The following OLIG1 variants were observed in gnomAD, a reference collection of about 807,000 sequenced individuals.
OLIG1 encodes oligodendrocyte transcription factor 1.
A neutral mutation model predicts 13.5 loss-of-function variants in OLIG1; 9 were observed. That is an observed-to-expected ratio of 0.67 (90% CI 0.40 to 1.17). The LOEUF is 1.17. Among genes scored for constraint, OLIG1 ranks in the 50% most tolerant of loss-of-function variants. The probability of loss-of-function intolerance (pLI) is 0.01; values close to 1 mark genes in which losing one functional copy is unlikely to be tolerated. For missense variants in OLIG1, 362 were observed against 392.2 expected, an observed-to-expected ratio of 0.92 and a Z score of 0.65; for synonymous variants, 215 against 208.3, an observed-to-expected ratio of 1.03 and a Z score of -0.28.
Position 33,070,973 on chromosome 21 carries a change from G to A in OLIG1, c.727G>A (p.Gly243Ser), listed in dbSNP as rs1409638340. The A allele has an allele frequency of 3.1e-6, 4 of 1,297,362 alleles. No individual in the cohort carries two copies. In the African/African-American group the frequency reaches 6.5e-5, roughly 21 times the overall value. 80.4% of individuals were successfully genotyped at this position (1,297,362 alleles called of 1,614,324 possible). ...ALPGGGAGGPGLCTCAVCKFP... is the reference protein window; with the variant it reads ...ALPGGGAGGPSLCTCAVCKFP... Reference sequence around the variant, plus strand: ...CCCCGGCGGCGGCGCAGGCGGCCCCGGCCTCTGCACCTGCGCCGTGTGCAA... The same window carrying A: ...CCCCGGCGGCGGCGCAGGCGGCCCCAGCCTCTGCACCTGCGCCGTGTGCAA... The change falls in exon 1 of 1, where the codon GGC becomes AGC. Residue 243 changes from glycine to serine, a missense_variant. Around this residue, in one of 3 missense-constraint regions of OLIG1, gnomAD observed 62 missense variants for 49.1 expected, o/e 1.26. Coordinates refer to ENST00000382348, the MANE Select transcript of OLIG1 (RefSeq NM_138983.3). The surrounding 1 kb of genome is among the most constrained non-coding windows in gnomAD (Gnocchi z 5.9).
At position 33,070,164 on chromosome 21, in the gene OLIG1, T is replaced by C. The variant is rs1982170438; in HGVS notation, c.-83T>C. 1.4e-6 allele frequency: 2 copies of C among 1,406,134 alleles called. No homozygotes were observed. The highest frequency in any genetic ancestry group is 3.2e-5 in the Admixed American group (1 of 30,794). 87.1% of individuals were successfully genotyped at this position (1,406,134 alleles called of 1,614,324 possible). A position where few individuals can be genotyped will look rare whatever the true frequency, so the allele number is the denominator to read the frequency against. On this transcript the variant is annotated 5_prime_UTR_variant, in exon 1 of 1. Transcript: ENST00000382348. This position sits in a 1 kb window ranked among gnomAD's most constrained non-coding sequence, Gnocchi z 5.9. ...CCACCATCGTTTCCCCGCGCGCAGG[T>C]CCGCGGGGAGGGGCGGCCTGCCGAC...
In OLIG1 at chr21:33,070,606, C is replaced by G; in HGVS notation, c.360C>G (p.Asp120Glu). The change falls in exon 1 of 1, where the codon GAC becomes GAG. Residue 120 changes from aspartate (D) to glutamate (E), a missense_variant. Around this residue, in one of 3 missense-constraint regions of OLIG1, gnomAD observed 206 missense variants for 197.2 expected, o/e 1.04. Coordinates refer to ENST00000382348, the MANE Select transcript of OLIG1 (RefSeq NM_138983.3). This position sits in a 1 kb window ranked among gnomAD's most constrained non-coding sequence, Gnocchi z 5.9. ...INSRERKRMQ[D>E]LNLAMDALRE... ...GCCGCGAGCGGAAGCGCATGCAGGA[C>G]CTGAACCTGGCCATGGACGCCCTGC... 6.4e-7 allele frequency: 1 copy of G among 1,573,742 alleles called. No homozygotes were observed. Among genetic ancestry groups the G allele is most frequent in the Non-Finnish European group, 8.6e-7 (1 of 1,166,540 alleles).
In OLIG1 at chr21:33,070,946, C is replaced by G. The variant is rs199512218; in HGVS notation, c.700C>G (p.Leu234Val). 6,001 of 1,459,484 alleles carry G rather than the reference C, an allele frequency of 4.1e-3. 24 individuals are homozygous for G. Among genetic ancestry groups the G allele is most frequent in the Non-Finnish European group, 5.0e-3 (5,575 of 1,112,670 alleles). 90.4% of individuals were successfully genotyped at this position (1,459,484 alleles called of 1,614,324 possible). A position where few individuals can be genotyped will look rare whatever the true frequency, so the allele number is the denominator to read the frequency against. ...CGAGCCGCCGTGCGGCCAGTTCGCT[C>G]TCCCCGGCGGCGGCGCAGGCGGCCC... The part of the protein sequence containing the change: ...LDEPPCGQFA[L>V]PGGGAGGPGL... Residue 234 changes from leucine to valine, a missense_variant, in exon 1 of 1, where the codon CTC becomes GTC. By Grantham distance (32) the Leu-to-Val change is conservative (BLOSUM62 1). Transcript: ENST00000382348. The surrounding 1 kb of genome is among the most constrained non-coding windows in gnomAD (Gnocchi z 5.9).
Position 33,070,861 on chromosome 21 carries a change from C to T in OLIG1, c.615C>T (p.Pro205=), listed in dbSNP as rs552476611. 1.7e-4 allele frequency: 211 copies of T among 1,242,534 alleles called. 2 individuals are homozygous for T. The South Asian group carries it at 5.1e-3, about 30-fold the overall frequency. The allele number at this position is 1,242,534 out of a possible 1,614,324, so 77.0% of individuals were successfully genotyped here. A position where few individuals can be genotyped will look rare whatever the true frequency, so the allele number is the denominator to read the frequency against. ...CGCCCGGCTCCGTGCTGCTGGCGCCCGGCGCCGTAGGACCCCCCGACGCGC... is the reference window on the plus strand; with the variant it reads ...CGCCCGGCTCCGTGCTGCTGGCGCCTGGCGCCGTAGGACCCCCCGACGCGC... ...AAAPGSVLLA[P]GAVGPPDALR... The change falls in exon 1 of 1, where the codon CCC becomes CCT. Residue 205 remains proline (P), a synonymous_variant. Coordinates refer to ENST00000382348, the MANE Select transcript of OLIG1 (RefSeq NM_138983.3). The surrounding 1 kb of genome is among the most constrained non-coding windows in gnomAD (Gnocchi z 5.9).
rs763989022 is a variant in OLIG1 at position 33,070,530 on chromosome 21, G to T, written c.284G>T (p.Arg95Leu). The T allele has an allele frequency of 4.8e-5, 72 of 1,500,716 alleles. No homozygotes were observed. Among genetic ancestry groups the T allele is most frequent in the Non-Finnish European group, 5.8e-5 (66 of 1,130,818 alleles). The allele number at this position is 1,500,716 out of a possible 1,614,324, so 93.0% of individuals were successfully genotyped here. A position where few individuals can be genotyped will look rare whatever the true frequency, so the allele number is the denominator to read the frequency against. ...GSGAHPGGSA[R>L]PDAKEEQQQQ... ...GGCGCGCACCCGGGCGGCAGCGCCC[G>T]GCCGGACGCCAAGGAGGAGCAGCAG... The change falls in exon 1 of 1, where the codon CGG becomes CTG. Residue 95 changes from arginine (R) to leucine (L), a missense_variant. Arg to Leu is a moderately radical substitution (Grantham distance 102). Transcript: ENST00000382348. This position sits in a 1 kb window ranked among gnomAD's most constrained non-coding sequence, Gnocchi z 5.9.
rs1472616641 is a variant in OLIG1 at position 33,070,414 on chromosome 21, C to T, written c.168C>T (p.Ser56=). The change falls in exon 1 of 1, where the codon TCC becomes TCT. Residue 56 remains serine (S), a synonymous_variant. Transcript: ENST00000382348. The surrounding 1 kb of genome is among the most constrained non-coding windows in gnomAD (Gnocchi z 5.9). ...SSSTSSTSST[S]SSSTTAPLLP... is the part of the protein sequence containing the mutation. ...CCACCTCCTCCACCTCCTCCACTTCCTCCTCCTCCACGACGGCCCCCCTCC... is the reference window on the plus strand; with the variant it reads ...CCACCTCCTCCACCTCCTCCACTTCTTCCTCCTCCACGACGGCCCCCCTCC... 2.6e-6 allele frequency: 4 copies of T among 1,538,208 alleles called. No individual in the cohort carries two copies. Among genetic ancestry groups the T allele is most frequent in the East Asian group, 2.5e-5 (1 of 40,392 alleles).
Position 33,071,034 on chromosome 21 carries a change from C to A in OLIG1, c.788C>A (p.Ala263Asp). 6.8e-7 allele frequency: 1 copy of A among 1,474,510 alleles called. No individual in the cohort carries two copies. Among genetic ancestry groups the A allele is most frequent in the African/African-American group, 1.5e-5 (1 of 67,732 alleles). 91.3% of individuals were successfully genotyped at this position (1,474,510 alleles called of 1,614,324 possible). ...CTGGTCCCGGCCAGCCTGGGCCTGG[C>A]CGCCGTGCAGGCGCAATTCTCCAAG... ...PHLVPASLGL[A>D]AVQAQFSK Residue 263 changes from alanine to aspartate, a missense_variant, in exon 1 of 1, where the codon GCC (alanine) becomes GAC (aspartate). Around this residue, in one of 3 missense-constraint regions of OLIG1, gnomAD observed 62 missense variants for 49.1 expected, o/e 1.26. Transcript: ENST00000382348. The surrounding 1 kb of genome is among the most constrained non-coding windows in gnomAD (Gnocchi z 6.0).
Position 33,070,212 on chromosome 21 carries a change from G to A in OLIG1, c.-35G>A. The A allele has an allele frequency of 6.7e-7, 1 of 1,491,508 alleles. No homozygotes were observed. 92.4% of individuals were successfully genotyped at this position (1,491,508 alleles called of 1,614,324 possible). A position where few individuals can be genotyped will look rare whatever the true frequency, so the allele number is the denominator to read the frequency against. On this transcript the variant is annotated 5_prime_UTR_variant, in exon 1 of 1. Coordinates refer to ENST00000382348, the MANE Select transcript of OLIG1 (RefSeq NM_138983.3). This position sits in a 1 kb window ranked among gnomAD's most constrained non-coding sequence, Gnocchi z 5.9. ...GACCGGCCCACCCCAGGGCGTTCCTGAAGGGCGTCCTCGGCCGCCCCCACC... is the reference window on the plus strand; with the variant it reads ...GACCGGCCCACCCCAGGGCGTTCCTAAAGGGCGTCCTCGGCCGCCCCCACC...
chr21:33,070,148 T>C lies in OLIG1; in HGVS notation c.-99T>C, dbSNP rs1982169585. 1.4e-6 allele frequency: 2 copies of C among 1,396,726 alleles called. No individual in the cohort carries two copies. The highest frequency in any genetic ancestry group is 3.4e-5 in the Admixed American group (1 of 29,092). 86.5% of individuals were successfully genotyped at this position (1,396,726 alleles called of 1,614,324 possible). A position where few individuals can be genotyped will look rare whatever the true frequency, so the allele number is the denominator to read the frequency against. On this transcript the variant is annotated 5_prime_UTR_variant, in exon 1 of 1. Transcript: ENST00000382348. This position sits in a 1 kb window ranked among gnomAD's most constrained non-coding sequence, Gnocchi z 5.9. Reference sequence around the variant, plus strand: ...GGCGCGGGCCAGGGCCCCACCATCGTTTCCCCGCGCGCAGGTCCGCGGGGA... The same window carrying C: ...GGCGCGGGCCAGGGCCCCACCATCGCTTCCCCGCGCGCAGGTCCGCGGGGA...
At position 33,071,459 on chromosome 21, in the gene OLIG1, C is replaced by G. The variant is rs185848734; in HGVS notation, c.*397C>G. On this transcript the variant is annotated 3_prime_UTR_variant, in exon 1 of 1. Coordinates refer to ENST00000382348, the MANE Select transcript of OLIG1 (RefSeq NM_138983.3). This position sits in a 1 kb window ranked among gnomAD's most constrained non-coding sequence, Gnocchi z 6.0. ...GAGGCCATCCCCGAGCGCTACCTCC[C>G]CGGAGCGGAGCACGCCGGCTCCCAG... 132 of 168,882 alleles carry G rather than the reference C, an allele frequency of 7.8e-4. No individual in the cohort carries two copies. The highest frequency in any genetic ancestry group is 2.3e-3 in the Admixed American group (35 of 15,410). The allele number at this position is 168,882 out of a possible 1,614,324, so 10.5% of individuals were successfully genotyped here.
At position 33,070,894 on chromosome 21, in the gene OLIG1, C is replaced by A. The variant is rs1311818888; in HGVS notation, c.648C>A (p.Pro216=). 1.5e-6 allele frequency: 2 copies of A among 1,338,108 alleles called. No homozygotes were observed. Among genetic ancestry groups the A allele is most frequent in the Non-Finnish European group, 1.9e-6 (2 of 1,047,398 alleles). 82.9% of individuals were successfully genotyped at this position (1,338,108 alleles called of 1,614,324 possible). A position where few individuals can be genotyped will look rare whatever the true frequency, so the allele number is the denominator to read the frequency against. The change falls in exon 1 of 1, where the codon CCC becomes CCA. Residue 216 remains proline (P), a synonymous_variant. Transcript: ENST00000382348. The surrounding 1 kb of genome is among the most constrained non-coding windows in gnomAD (Gnocchi z 5.9). ...TAGGACCCCCCGACGCGCTGCGCCC[C>A]GCCAAGTACCTGTCGCTGGCGCTGG... is the stretch of plus-strand genomic sequence containing the variant. The part of the protein sequence containing the change: ...GAVGPPDALR[P]AKYLSLALDE...
chr21:33,071,020 C>G lies in OLIG1; in HGVS notation c.774C>G (p.Ala258=), dbSNP rs1568824442. The G allele has an allele frequency of 6.6e-7, 1 of 1,509,138 alleles. No individual in the cohort carries two copies. The highest frequency in any genetic ancestry group is 2.1e-5 in the Admixed American group (1 of 48,426). 93.5% of individuals were successfully genotyped at this position (1,509,138 alleles called of 1,614,324 possible). Residue 258 remains alanine, a synonymous_variant, in exon 1 of 1, where the codon GCC becomes GCG. Transcript: ENST00000382348. This position sits in a 1 kb window ranked among gnomAD's most constrained non-coding sequence, Gnocchi z 6.0. The part of the protein sequence containing the change: ...AVCKFPHLVP[A]SLGLAAVQAQ... The stretch of plus-strand genomic sequence containing the variant: ...GCAAGTTCCCGCACCTGGTCCCGGC[C>G]AGCCTGGGCCTGGCCGCCGTGCAGG...
At position 33,070,388 on chromosome 21, in the gene OLIG1, T is replaced by G; in HGVS notation, c.142T>G (p.Ser48Ala). Residue 48 changes from serine (S) to alanine (A), a missense_variant, in exon 1 of 1, where the codon TCC (serine) becomes GCC (alanine). This residue lies in a region of OLIG1 where 206 missense variants were observed against 197.2 expected (regional missense o/e 1.04). Transcript: ENST00000382348. This position sits in a 1 kb window ranked among gnomAD's most constrained non-coding sequence, Gnocchi z 5.9. ...GCAGCCGCCCTCCTCCTCCTCCTCC[T>G]CCACCTCCTCCACCTCCTCCACTTC... ...YRQPPSSSSS[S>A]TSSTSSTSSS... is the part of the protein sequence containing the mutation. The G allele has an allele frequency of 6.5e-7, 1 of 1,528,486 alleles. No homozygotes were observed. The highest frequency in any genetic ancestry group is 1.4e-5 in the African/African-American group (1 of 70,986). The allele number at this position is 1,528,486 out of a possible 1,614,324, so 94.7% of individuals were successfully genotyped here.
rs570042083 is a variant in OLIG1, at chr21:33,070,159, G to A, written c.-88G>A. ...GGGCCCCACCATCGTTTCCCCGCGCGCAGGTCCGCGGGGAGGGGCGGCCTG... is the reference window on the plus strand; with the variant it reads ...GGGCCCCACCATCGTTTCCCCGCGCACAGGTCCGCGGGGAGGGGCGGCCTG... On this transcript the variant is annotated 5_prime_UTR_variant, in exon 1 of 1. Coordinates refer to ENST00000382348, the MANE Select transcript of OLIG1 (RefSeq NM_138983.3). The surrounding 1 kb of genome is among the most constrained non-coding windows in gnomAD (Gnocchi z 5.9). 9.9e-5 allele frequency: 138 copies of A among 1,399,500 alleles called. No homozygotes were observed. The African/African-American group carries it at 1.8e-3, about 18-fold the overall frequency. The allele number at this position is 1,399,500 out of a possible 1,614,324, so 86.7% of individuals were successfully genotyped here. A position where few individuals can be genotyped will look rare whatever the true frequency, so the allele number is the denominator to read the frequency against.
In OLIG1 at chr21:33,071,996, G is replaced by A. The variant is rs117130421; in HGVS notation, c.*934G>A. 655 of 167,200 alleles carry A rather than the reference G, an allele frequency of 3.9e-3. 2 individuals are homozygous for A. The highest frequency in any genetic ancestry group is 7.5e-3 in the Non-Finnish European group (508 of 68,122). The allele number at this position is 167,200 out of a possible 1,614,324, so 10.4% of individuals were successfully genotyped here. On this transcript the variant is annotated 3_prime_UTR_variant, in exon 1 of 1. Coordinates refer to ENST00000382348, the MANE Select transcript of OLIG1 (RefSeq NM_138983.3). This position sits in a 1 kb window ranked among gnomAD's most constrained non-coding sequence, Gnocchi z 6.0. ...GATTTACTAAAATAGGTAACCAGGC[G>A]TCTCACAGTCGCCGTCCTGTCAAGA...
At position 33,070,429 on chromosome 21, in the gene OLIG1, G is replaced by T; in HGVS notation, c.183G>T (p.Thr61=). ...STSSTSSSST[T]APLLPKAARE... is the part of the protein sequence containing the mutation. ...CCTCCACTTCCTCCTCCTCCACGACGGCCCCCCTCCTCCCCAAGGCTGCGC... is the reference window on the plus strand; with the variant it reads ...CCTCCACTTCCTCCTCCTCCACGACTGCCCCCCTCCTCCCCAAGGCTGCGC... Residue 61 remains threonine, a synonymous_variant, in exon 1 of 1, where the codon ACG becomes ACT. Coordinates refer to ENST00000382348, the MANE Select transcript of OLIG1 (RefSeq NM_138983.3). The surrounding 1 kb of genome is among the most constrained non-coding windows in gnomAD (Gnocchi z 5.9). The T allele has an allele frequency of 6.5e-7, 1 of 1,528,530 alleles. No individual in the cohort carries two copies. 94.7% of individuals were successfully genotyped at this position (1,528,530 alleles called of 1,614,324 possible).
chr21:33,070,885 G>T lies in OLIG1; in HGVS notation c.639G>T (p.Ala213=). ...LAPGAVGPPD[A]LRPAKYLSLA... Reference sequence around the variant, plus strand: ...CCGGCGCCGTAGGACCCCCCGACGCGCTGCGCCCCGCCAAGTACCTGTCGC... The same window carrying T: ...CCGGCGCCGTAGGACCCCCCGACGCTCTGCGCCCCGCCAAGTACCTGTCGC... Residue 213 remains alanine, a synonymous_variant, in exon 1 of 1, where the codon GCG becomes GCT. Transcript: ENST00000382348. This position sits in a 1 kb window ranked among gnomAD's most constrained non-coding sequence, Gnocchi z 5.9. 7.6e-7 allele frequency: 1 copy of T among 1,315,550 alleles called. No individual in the cohort carries two copies. Among genetic ancestry groups the T allele is most frequent in the Non-Finnish European group, 9.7e-7 (1 of 1,034,548 alleles). 81.5% of individuals were successfully genotyped at this position (1,315,550 alleles called of 1,614,324 possible). A position where few individuals can be genotyped will look rare whatever the true frequency, so the allele number is the denominator to read the frequency against.
chr21:33,070,820 C>T lies in OLIG1; in HGVS notation c.574C>T (p.Pro192Ser). The change falls in exon 1 of 1, where the codon CCC (proline) becomes TCC (serine). Residue 192 changes from proline (P) to serine (S), a missense_variant. Coordinates refer to ENST00000382348, the MANE Select transcript of OLIG1 (RefSeq NM_138983.3). This position sits in a 1 kb window ranked among gnomAD's most constrained non-coding sequence, Gnocchi z 5.9. ...AAPRLLLAGL[P>S]LLAAAPGSVL... ...GCCGCGCCTGCTGCTGGCCGGGCTG[C>T]CCCTGCTCGCCGCCGCGCCCGGCTC... 1 of 1,163,400 alleles carries T rather than the reference C, an allele frequency of 8.6e-7. No individual in the cohort carries two copies. Among genetic ancestry groups the T allele is most frequent in the Non-Finnish European group, 1.1e-6 (1 of 945,094 alleles). 72.1% of individuals were successfully genotyped at this position (1,163,400 alleles called of 1,614,324 possible). A position where few individuals can be genotyped will look rare whatever the true frequency, so the allele number is the denominator to read the frequency against.
chr21:33,071,152 G>C lies in OLIG1; in HGVS notation c.*90G>C, dbSNP rs570866723. On this transcript the variant is annotated 3_prime_UTR_variant, in exon 1 of 1. Coordinates refer to ENST00000382348, the MANE Select transcript of OLIG1 (RefSeq NM_138983.3). The surrounding 1 kb of genome is among the most constrained non-coding windows in gnomAD (Gnocchi z 6.0). ...CTGCTCCCTGCGTCTGGGAGAGCGA[G>C]GCCGAGCAAGGAAAGCATTTCGAAC... is the stretch of plus-strand genomic sequence containing the variant. 2 of 1,216,464 alleles carry C rather than the reference G, an allele frequency of 1.6e-6. No homozygotes were observed. The highest frequency in any genetic ancestry group is 1.6e-5 in the African/African-American group (1 of 62,072). The allele number at this position is 1,216,464 out of a possible 1,614,324, so 75.4% of individuals were successfully genotyped here.
Sources: allele counts gnomAD v4.1 joint callset, GRCh38; gene constraint gnomAD v4.1.1; regional missense constraint gnomAD v4.1.1; non-coding constraint Gnocchi (gnomAD v3.1); transcripts MANE v1.5; gene names NCBI Gene and HGNC (gene_info 2026-07-23, HGNC 2026-07-21).